PARD3B: variants seen among roughly 807,000 people sequenced by gnomAD.
PARD3B encodes partitioning defective 3 homolog B.
PARD3B carries 103 observed loss-of-function variants against 130.2 expected under a neutral mutation model. The ratio of observed to expected loss-of-function variants is 0.79; its 90% CI spans 0.67 to 0.93. PARD3B has a LOEUF of 0.93. Among genes scored for constraint, PARD3B ranks in the 40% least tolerant of loss-of-function variants. The pLI, the probability that PARD3B is intolerant of heterozygous loss-of-function variation, is 0.00. For synonymous variants in PARD3B, 583 were observed against 553.2 expected, an observed-to-expected ratio of 1.05 and a Z score of -0.76; for missense variants, 1,609 against 1,499.2, an observed-to-expected ratio of 1.07 and a Z score of -1.21.
chr2:204,851,687 G>C (rs772713076), intron 2 of PARD3B, among the ~76,000 whole-genome samples: 61 of 151,798 alleles, frequency 4.0e-4, no homozygotes, highest in Non-Finnish European at 8.5e-4. Flanking sequence ...TTATCAACTG[G>C]CCAACAGAAT....
At chr2:205,193,350 A>G (rs756893334) in intron 15 of PARD3B, 30 bp downstream of exon 15, 2 of 1,488,532 alleles carry the variant, frequency 1.3e-6, no homozygotes, top group Admixed American at 3.3e-5. Flanking sequence ...CATCCAGGTC[A>G]GCTCTCCAGC....
At chr2:205,019,719 C>G (rs181256098) in intron 3 of PARD3B, among the ~76,000 whole-genome samples, 1 of 152,218 alleles carries the variant, frequency 6.6e-6, no homozygotes, top group African/African-American at 2.4e-5. Context: ...ATTTTCATTT[C>G]TCTGAAGGTA....
At chr2:205,493,981 G>A (rs185325087) in intron 20 of PARD3B, among the ~76,000 whole-genome samples, 65 of 151,736 alleles carry the variant, frequency 4.3e-4, no homozygotes, top group Admixed American at 3.3e-3. Flanking sequence ...GGCTAGTCTC[G>A]AACTCCTGAC....
intron 15 of PARD3B, among the ~76,000 whole-genome samples, chr2:205,202,715 A>G: frequency 6.6e-6 from 1 of 152,196 alleles, no homozygotes; most frequent in East Asian, 1.9e-4. Flanking sequence ...CTCTTACATA[A>G]AAACACTTAA....
intron 16 of PARD3B, among the ~76,000 whole-genome samples, chr2:205,266,790 G>A (rs1215464139): frequency 6.6e-6 from 1 of 152,152 alleles, no homozygotes; most frequent in Non-Finnish European, 1.5e-5. Context: ...CAGGAAAGAA[G>A]AGATGAGAAA....
At chr2:205,380,663 A>G (rs1334789498) in intron 18 of PARD3B, among the ~76,000 whole-genome samples, 1 of 97,470 alleles carries the variant, frequency 1.0e-5, no homozygotes, top group Admixed American at 1.7e-4. Flanking sequence ...TATATATTAT[A>G]TATAATATAT....
chr2:204,852,979 A>G (rs940618595), intron 2 of PARD3B, among the ~76,000 whole-genome samples: 15 of 152,328 alleles, frequency 9.8e-5, no homozygotes, highest in African/African-American at 3.4e-4. Context: ...TCAAAATGTA[A>G]TATGGAAATA....
chr2:205,202,251 A>G (rs1020182736), intron 15 of PARD3B, among the ~76,000 whole-genome samples: 2 of 152,250 alleles, frequency 1.3e-5, no homozygotes, highest in Admixed American at 1.3e-4. Flanking sequence ...TTTCAGATGT[A>G]GCGGAATAAG....
chr2:205,238,643 C>G (rs1162810592), intron 15 of PARD3B, among the ~76,000 whole-genome samples: 1 of 151,036 alleles, frequency 6.6e-6, no homozygotes, highest in Non-Finnish European at 1.5e-5. Flanking sequence ...ACCAGCTTGA[C>G]CAACATGGTG....
rs372678312 is a variant in PARD3B at position 205,568,025 on chromosome 2, A to G, written c.3260+14622A>G. 3.5e-4 allele frequency among the ~76,000 whole-genome samples: 53 copies of G among 152,278 alleles called. 2 individuals are homozygous for G. The highest frequency in any genetic ancestry group is 1.0e-3 in the African/African-American group (42 of 41,570). ...TCATTGGTTAAGAGTTGTTCCTAAG[A>G]TATCAACTCCCCAGCACTTCTTCCT... On this transcript the variant is annotated intron_variant, in intron 22 of 22. Coordinates refer to ENST00000406610, the MANE Select transcript of PARD3B (RefSeq NM_001302769.2). This position sits in a 1 kb window ranked among gnomAD's most constrained non-coding sequence, Gnocchi z 5.3.
chr2:205,326,771 G>A (rs2042952553), intron 18 of PARD3B, among the ~76,000 whole-genome samples: 1 of 152,132 alleles, frequency 6.6e-6, no homozygotes, highest in Admixed American at 6.6e-5. Flanking sequence ...GACAGTATTT[G>A]CTGTCACATC....
rs548570128 is a variant in PARD3B, at chr2:204,637,895, G to A, written c.121-48286G>A. Among the ~76,000 whole-genome samples, 128 of 152,076 alleles carry A rather than the reference G, an allele frequency of 8.4e-4. 1 individual carries two copies. Among genetic ancestry groups the A allele is most frequent in the African/African-American group, 2.7e-3 (113 of 41,484 alleles). ...GCAGTGGGGCATAGGAGAGAGATGC[G>A]GAAGAGGTGTGGGGCAGTGGAAGAC... is the stretch of plus-strand genomic sequence containing the variant. On this transcript the variant is annotated intron_variant, in intron 1 of 22. Coordinates refer to ENST00000406610, the MANE Select transcript of PARD3B (RefSeq NM_001302769.2).
At chr2:204,643,884 T>G (rs2035181031) in intron 1 of PARD3B, among the ~76,000 whole-genome samples, 1 of 152,154 alleles carries the variant, frequency 6.6e-6, no homozygotes, top group Non-Finnish European at 1.5e-5. Flanking sequence ...GAAGCTAACC[T>G]GAGTATACAA....
chr2:204,741,098 T>C (rs1178287167), intron 2 of PARD3B, among the ~76,000 whole-genome samples: 1 of 152,190 alleles, frequency 6.6e-6, no homozygotes, highest in Admixed American at 6.5e-5. Context: ...AAGAAGCTTG[T>C]AGCATAATTA....
At chr2:205,272,584 G>C (rs1054324903) in intron 16 of PARD3B, among the ~76,000 whole-genome samples, 2 of 152,158 alleles carry the variant, frequency 1.3e-5, no homozygotes, top group Non-Finnish European at 2.9e-5. Context: ...GAGGAGGCAG[G>C]CAGGCTAGGG....
chr2:205,283,950 C>T (rs1454113587), intron 16 of PARD3B, among the ~76,000 whole-genome samples: 1 of 152,090 alleles, frequency 6.6e-6, no homozygotes, highest in African/African-American at 2.4e-5. Flanking sequence ...CAGCTCTTAC[C>T]TTGGGGAAGT....
intron 19 of PARD3B, among the ~76,000 whole-genome samples, chr2:205,432,879 C>A (rs2047385149): frequency 1.3e-5 from 2 of 151,998 alleles, no homozygotes; most frequent in Admixed American, 6.6e-5. Context: ...CATAAAGTAC[C>A]AATTTGTAGG....
intron 15 of PARD3B, among the ~76,000 whole-genome samples, chr2:205,223,956 C>T (rs911879355): frequency 2.6e-5 from 4 of 151,672 alleles, no homozygotes; most frequent in South Asian, 2.1e-4. Flanking sequence ...TTAGTCATTC[C>T]GGAGGCTGAG....
chr2:205,030,802 C>T (rs1025793039), intron 3 of PARD3B, among the ~76,000 whole-genome samples: 3 of 152,032 alleles, frequency 2.0e-5, no homozygotes, highest in East Asian at 1.9e-4. Flanking sequence ...AGATTCCTCC[C>T]GTGTTAGTAT....
Sources: allele counts gnomAD v4.1 joint callset (sites outside exome capture counted in the v4.1 genomes callset), GRCh38; gene constraint gnomAD v4.1.1; non-coding constraint Gnocchi (gnomAD v3.1); transcripts MANE v1.5; gene names NCBI Gene and HGNC (gene_info 2026-07-23, HGNC 2026-07-21).